PI4KB: variants seen among roughly 807,000 people sequenced by gnomAD.
PI4KB encodes PtdIns 4-kinase beta.
Under a neutral mutation model 81.4 loss-of-function variants are expected in PI4KB, and 23 were observed. The observed-to-expected ratio is 0.28, with a 90% CI of 0.20 to 0.40. PI4KB has a LOEUF of 0.40. PI4KB is among the 10% of genes least tolerant of loss of function. The probability of loss-of-function intolerance (pLI) is 1.00; values close to 1 mark genes in which losing one functional copy is unlikely to be tolerated. For synonymous variants in PI4KB, 381 were observed against 406.8 expected (o/e 0.94, Z 0.76); for missense variants, 651 against 1,036.6 (o/e 0.63, Z 5.11).
intron 1 of PI4KB, among the ~76,000 whole-genome samples, chr1:151,325,958 T>C (rs1249780903): frequency 2.0e-5 from 3 of 152,184 alleles, no homozygotes; most frequent in Admixed American, 6.5e-5. Context: ...ATTCTGAATG[T>C]ACAAGCTCTT....
chr1:151,305,049 C>T (rs1332766825), intron 5 of PI4KB, among the ~76,000 whole-genome samples: 4 of 150,870 alleles, frequency 2.7e-5, no homozygotes, highest in Admixed American at 6.6e-5. Flanking sequence ...AGGCTGGTCT[C>T]GAACTCCTGA....
At chr1:151,298,740 A>G (rs953112992) in intron 9 of PI4KB, 68 bp downstream of exon 9, 33 of 1,506,742 alleles carry the variant, frequency 2.2e-5, no homozygotes, top group Non-Finnish European at 2.6e-5. Context: ...TAAGTAATTG[A>G]GAACTACACA....
At chr1:151,326,501 A>G in intron 1 of PI4KB, 1 of 369,356 alleles carries the variant, frequency 2.7e-6, no homozygotes, top group East Asian at 4.8e-5. Flanking sequence ...AAAGTTGGAA[A>G]TCCTGAATGG....
intron 9 of PI4KB, among the ~76,000 whole-genome samples, chr1:151,295,821 C>T (rs1694745105): frequency 6.6e-6 from 1 of 152,222 alleles, no homozygotes; most frequent in South Asian, 2.1e-4. Flanking sequence ...GCCCTGGGGC[C>T]TGACTAGTGC....
At chr1:151,297,651 C>T (rs1694925571) in intron 9 of PI4KB, among the ~76,000 whole-genome samples, 1 of 151,904 alleles carries the variant, frequency 6.6e-6, no homozygotes, top group Non-Finnish European at 1.5e-5. Flanking sequence ...GATTCTCCTG[C>T]TCAGCCTCCC....
Position 151,310,238 on chromosome 1 carries a change from G to T in PI4KB, c.927C>A (p.Thr309=). 1 of 1,607,566 alleles carries T rather than the reference G, an allele frequency of 6.2e-7. No homozygotes were observed. Among genetic ancestry groups the T allele is most frequent in the South Asian group, 1.1e-5 (1 of 89,334 alleles). Residue 309 remains threonine, a synonymous_variant, in exon 3 of 12, where the codon ACC becomes ACA. Coordinates refer to ENST00000368873, the MANE Select transcript of PI4KB (RefSeq NM_001369623.2). ...AACTGAATGAATTATCAATACTCTCGGTGCTGGAGGAGAGCTCCTGGGAAA... is the reference window on the plus strand; with the variant it reads ...AACTGAATGAATTATCAATACTCTCTGTGCTGGAGGAGAGCTCCTGGGAAA... The part of the protein sequence containing the change: ...ENEDEELSSS[T]ESIDNSFSSP...
intron 5 of PI4KB, among the ~76,000 whole-genome samples, chr1:151,305,913 T>C (rs1394475606): frequency 6.6e-6 from 1 of 152,226 alleles, no homozygotes; most frequent in Non-Finnish European, 1.5e-5. Flanking sequence ...AGCTCCTCTT[T>C]ACATTTAAAT....
At chr1:151,302,133 G>A in intron 7 of PI4KB, 61 bp downstream of exon 7, 1 of 1,529,582 alleles carries the variant, frequency 6.5e-7, no homozygotes, top group South Asian at 1.1e-5. Flanking sequence ...AGTTGGTGCA[G>A]TGAGCACTTA....
At chr1:151,301,497 A>C (rs1695276176) in intron 8 of PI4KB, among the ~76,000 whole-genome samples, 1 of 152,076 alleles carries the variant, frequency 6.6e-6, no homozygotes, top group African/African-American at 2.4e-5. Flanking sequence ...TCCCGGGCTC[A>C]CGCCATTCTC....
chr1:151,303,252 G>A (rs2101941811), intron 6 of PI4KB: 2 of 277,620 alleles, frequency 7.2e-6, no homozygotes, highest in Middle Eastern at 1.3e-3. Flanking sequence ...GCCCGCCTCG[G>A]CCTCCCAAAG....
At chr1:151,302,804 C>T (rs112702998) in intron 6 of PI4KB, among the ~76,000 whole-genome samples, 1,622 of 151,140 alleles carry the variant, frequency 0.011, 33 homozygotes, top group African/African-American at 0.037. Context: ...AGGATGGTCT[C>T]GATCTCCTGA....
At position 151,299,038 on chromosome 1, in the gene PI4KB, G is replaced by C. The variant is rs1455923457; in HGVS notation, c.1785C>G (p.Ile595Met). The change falls in exon 9 of 12, where the codon ATC becomes ATG. Residue 595 changes from isoleucine to methionine, a missense_variant. Transcript: ENST00000368873. ...AAATCACAAGAATCTTGTATGGCTTGATCCAAAGGGGCACTCGCTCCTGTT... is the reference window on the plus strand; with the variant it reads ...AAATCACAAGAATCTTGTATGGCTTCATCCAAAGGGGCACTCGCTCCTGTT... ...IWEQERVPLWIKPYKILVISA... is the reference protein window; with the variant it reads ...IWEQERVPLWMKPYKILVISA... The C allele has an allele frequency of 4.3e-6, 7 of 1,614,052 alleles. No individual in the cohort carries two copies. Among genetic ancestry groups the C allele is most frequent in the Non-Finnish European group, 2.5e-6 (3 of 1,179,932 alleles).
intron 1 of PI4KB, among the ~76,000 whole-genome samples, chr1:151,318,193 C>A (rs1648263020): frequency 6.6e-6 from 1 of 151,682 alleles, no homozygotes; most frequent in African/African-American, 2.4e-5. Flanking sequence ...CCGAGGTGGG[C>A]AGATCACGAG....
chr1:151,301,104 G>A (rs943989995), intron 8 of PI4KB: 8 of 152,368 alleles, frequency 5.3e-5, no homozygotes, highest in Non-Finnish European at 8.8e-5. Context: ...GGGGAAAGTT[G>A]CACTAGCTTC....
intron 2 of PI4KB, among the ~76,000 whole-genome samples, chr1:151,313,795 TG>T (rs1647489029): frequency 6.6e-6 from 1 of 152,236 alleles, no homozygotes; most frequent in Non-Finnish European, 1.5e-5. Context: ...CTTCCCCACA[TG>T]GCTTCTGACA....
At position 151,305,497 on chromosome 1, in the gene PI4KB, G is replaced by A. The variant is rs116147126; in HGVS notation, c.1410+639C>T. Among the ~76,000 whole-genome samples the A allele has an allele frequency of 7.4e-3, 1,134 of 152,262 alleles. 18 individuals carry two copies. Among genetic ancestry groups the A allele is most frequent in the African/African-American group, 0.026 (1,075 of 41,552 alleles). On this transcript the variant is annotated intron_variant, in intron 5 of 11. Transcript: ENST00000368873. ...CCCTCTTGTCTTCTGGCCTTTGCAT[G>A]CAGTGTTCCCTCTGTCCAGCACTCT...
intron 1 of PI4KB, among the ~76,000 whole-genome samples, chr1:151,325,521 A>G (rs1006308011): frequency 6.6e-6 from 1 of 152,182 alleles, no homozygotes; most frequent in East Asian, 1.9e-4. Context: ...CAGCTTCCTC[A>G]AAGTGCTTTC....
chr1:151,327,633 G>A (rs528888069), upstream of PI4KB: 32 of 373,252 alleles, frequency 8.6e-5, no homozygotes, highest in South Asian at 4.4e-3. Context: ...CAGCGGTCAG[G>A]ACCCTACCGA....
chr1:151,326,074 G>T, intron 1 of PI4KB: 1 of 1,170,964 alleles, frequency 8.5e-7, no homozygotes, highest in South Asian at 1.2e-5. Flanking sequence ...AGAATAAACT[G>T]ATTCCTCATG....
Sources: gnomAD v4.1 joint callset for allele counts (sites outside exome capture counted in the v4.1 genomes callset) on GRCh38, gnomAD v4.1.1 for gene constraint, MANE v1.5 for transcripts, NCBI Gene and HGNC (gene_info 2026-07-23, HGNC 2026-07-21) for gene names.